Variants in MGAT4B observed in about 807,000 individuals in gnomAD.
MGAT4B encodes N-acetylglucosaminyltransferase IVb.
In MGAT4B, 38 loss-of-function variants were observed where a neutral mutation model predicts 73.9. The ratio of observed to expected loss-of-function variants is 0.51; its 90% CI spans 0.40 to 0.67. MGAT4B has a LOEUF of 0.67. Ranked by LOEUF, MGAT4B falls within the 30% of genes least tolerant of loss-of-function variation. The pLI, the probability that MGAT4B is intolerant of heterozygous loss-of-function variation, is 0.00. For synonymous variants in MGAT4B, 373 were observed against 313.5 expected, an observed-to-expected ratio of 1.19 and a Z score of -2.01; for missense variants, 686 against 735.2, an observed-to-expected ratio of 0.93 and a Z score of 0.77.
At chr5:179,802,934 A>G (rs574788107) in intron 1 of MGAT4B, 1 of 985,322 alleles carries the variant, frequency 1.0e-6, no homozygotes, top group East Asian at 1.1e-4. Flanking sequence ...AGCCTGACCG[A>G]ACTCCCTCTA....
In MGAT4B at chr5:179,799,701, C is replaced by A. The variant is rs1756822236; in HGVS notation, c.911-65G>T. The stretch of plus-strand genomic sequence containing the variant: ...TACTTCCTTTCTCCCTGCAGCGGCC[C>A]CCGAGTCCCACAGCAAACCCAGGGG... On this transcript the variant is annotated intron_variant, in intron 8 of 14. Coordinates refer to ENST00000292591, the MANE Select transcript of MGAT4B (RefSeq NM_014275.5). The A allele has an allele frequency of 6.9e-6, 11 of 1,605,144 alleles. 1 individual carries two copies. In the South Asian group the frequency reaches 1.0e-4, roughly 15 times the overall value.
chr5:179,798,819 A>C, intron 11 of MGAT4B, 109 bp downstream of exon 11: 7 of 1,340,508 alleles, frequency 5.2e-6, no homozygotes, highest in Non-Finnish European at 7.2e-6. Context: ...TACGAGGCCC[A>C]CTTCAGATGC....
Position 179,802,445 on chromosome 5 carries a change from C to T in MGAT4B, c.98-476G>A, listed in dbSNP as rs560025706. On this transcript the variant is annotated intron_variant, in intron 1 of 14. Coordinates refer to ENST00000292591, the MANE Select transcript of MGAT4B (RefSeq NM_014275.5). ...CTGGTTGCTCACCCTGCACTGGATT[C>T]TTAGCCTCACGATGGCCCCGGGGGG... is the stretch of plus-strand genomic sequence containing the variant. 167 of 1,074,918 alleles carry T rather than the reference C, an allele frequency of 1.6e-4. 2 individuals carry two copies. The South Asian group carries it at 4.1e-3, about 26-fold the overall frequency. 66.6% of individuals were successfully genotyped at this position (1,074,918 alleles called of 1,614,324 possible). A position where few individuals can be genotyped will look rare whatever the true frequency, so the allele number is the denominator to read the frequency against.
In MGAT4B at chr5:179,806,300, C is replaced by G. The variant is rs1394067036; in HGVS notation, c.97+187G>C. 1.6e-5 allele frequency: 3 copies of G among 189,086 alleles called. No individual in the cohort carries two copies. Among genetic ancestry groups the G allele is most frequent in the Non-Finnish European group, 2.9e-5 (3 of 101,822 alleles). The allele number at this position is 189,086 out of a possible 1,614,324, so 11.7% of individuals were successfully genotyped here. A position where few individuals can be genotyped will look rare whatever the true frequency, so the allele number is the denominator to read the frequency against. ...AGCACCCACGGGCGCGGCCCGGGCC[C>G]GAGGAGAACGCCGCGGCTCCAGCAG... On this transcript the variant is annotated intron_variant, in intron 1 of 14. Coordinates refer to ENST00000292591, the MANE Select transcript of MGAT4B (RefSeq NM_014275.5). This position sits in a 1 kb window ranked among gnomAD's most constrained non-coding sequence, Gnocchi z 4.6.
At chr5:179,799,462 G>C (rs770679576) in intron 9 of MGAT4B, 44 bp downstream of exon 9, 1 of 1,611,954 alleles carries the variant, frequency 6.2e-7, no homozygotes, top group Non-Finnish European at 8.5e-7. Context: ...GAGGCTGCCT[G>C]CCCCTTGGCC....
In MGAT4B at chr5:179,798,184, A is replaced by G; in HGVS notation, c.1604T>C (p.Val535Ala). The G allele has an allele frequency of 6.3e-7, 1 of 1,596,796 alleles. No individual in the cohort carries two copies. Among genetic ancestry groups the G allele is most frequent in the Non-Finnish European group, 8.5e-7 (1 of 1,170,970 alleles). Residue 535 changes from valine (V) to alanine (A), a missense_variant, in exon 14 of 15, where the codon GTG becomes GCG. Coordinates refer to ENST00000292591, the MANE Select transcript of MGAT4B (RefSeq NM_014275.5). ...LRLSIQTDSP[V>A]WVILSEIFLK... Reference sequence around the variant, plus strand: ...CCTCACCTCGCTCAGAATCACCCACACAGGGGAGTCCGTCTGGATCGAGAG... The same window carrying G: ...CCTCACCTCGCTCAGAATCACCCACGCAGGGGAGTCCGTCTGGATCGAGAG...
At chr5:179,802,164 C>G (rs1228215593) in intron 1 of MGAT4B, 195 bp from the exon 2 acceptor site, 2 of 1,504,972 alleles carry the variant, frequency 1.3e-6, no homozygotes, top group African/African-American at 1.4e-5. Context: ...GGGAGAAAAC[C>G]AGGGGAATTA....
chr5:179,802,944 A>G (rs938736436), intron 1 of MGAT4B: 7 of 985,268 alleles, frequency 7.1e-6, no homozygotes, highest in African/African-American at 7.0e-5. Context: ...AACTCCCTCT[A>G]CACTCAGGCA....
chr5:179,801,577 CGCACCGCGGGCT>C lies in MGAT4B; in HGVS notation c.389_400del (p.Gln130_Val133del). 1 of 1,607,222 alleles carries C rather than the reference CGCACCGCGGGCT, an allele frequency of 6.2e-7. No homozygotes were observed. The highest frequency in any genetic ancestry group is 8.5e-7 in the Non-Finnish European group (1 of 1,177,834). The stretch of plus-strand genomic sequence containing the variant: ...ACCTCCGGTGCGGCCCTGGCCCACG[CGCACCGCGGGCT>C]GCAGACTGCTCTCCTTGGCCAGCAG... On this transcript the variant is annotated inframe_deletion, in exon 3 of 15. Transcript: ENST00000292591. The surrounding 1 kb of genome is among the most constrained non-coding windows in gnomAD (Gnocchi z 4.8).
At chr5:179,800,819 C>CTA in intron 5 of MGAT4B, 88 bp downstream of exon 5, 2 of 1,452,184 alleles carry the variant, frequency 1.4e-6, no homozygotes, top group Non-Finnish European at 1.9e-6. Flanking sequence ...AGGAAAGGCA[C>CTA]TATCTCATGG....
chr5:179,801,424 G>C lies in MGAT4B; in HGVS notation c.468C>G (p.His156Gln). 1 of 1,611,958 alleles carries C rather than the reference G, an allele frequency of 6.2e-7. No individual in the cohort carries two copies. ...MGIPSVRREV[H>Q]SYLTDTLHSL... ...AGTGCAGAGTGTCAGTCAGGTACGA[G>C]TGCACCTCGCGCCGCACGCTCGGGA... The change falls in exon 4 of 15, where the codon CAC (histidine) becomes CAG (glutamine). Residue 156 changes from histidine to glutamine, a missense_variant. This residue lies in a region of MGAT4B where 449 missense variants were observed against 536.8 expected (regional missense o/e 0.84). Coordinates refer to ENST00000292591, the MANE Select transcript of MGAT4B (RefSeq NM_014275.5). The surrounding 1 kb of genome is among the most constrained non-coding windows in gnomAD (Gnocchi z 4.8).
chr5:179,801,570 G>C lies in MGAT4B; in HGVS notation c.408C>G (p.Gly136=), dbSNP rs771619076. The change falls in exon 3 of 15, where the codon GGC becomes GGG. Residue 136 remains glycine, a synonymous_variant. Transcript: ENST00000292591. The surrounding 1 kb of genome is among the most constrained non-coding windows in gnomAD (Gnocchi z 4.8). ...ESSLQPAVRV[G]QGRTGVSVVM... ...CGCCCATACCTCCGGTGCGGCCCTG[G>C]CCCACGCGCACCGCGGGCTGCAGAC... 4.4e-6 allele frequency: 7 copies of C among 1,607,956 alleles called. No individual in the cohort carries two copies. The highest frequency in any genetic ancestry group is 4.2e-6 in the Non-Finnish European group (5 of 1,178,150).
intron 1 of MGAT4B, among the ~76,000 whole-genome samples, chr5:179,804,370 G>C (rs1011459111): frequency 6.6e-5 from 10 of 152,194 alleles, no homozygotes; most frequent in African/African-American, 1.9e-4. Context: ...CTGAAGTCCA[G>C]GCCTGGGGAG....
rs1247167104 is a variant in MGAT4B at position 179,798,493 on chromosome 5, A to G, written c.1422+20T>C. ...CACAGGAGGCCCGGCTTCAGTGCAC[A>G]CCACACCCACCGAACTTACGTCGAA... On this transcript the variant is annotated intron_variant, in intron 12 of 14. Transcript: ENST00000292591. 6.2e-7 allele frequency: 1 copy of G among 1,613,420 alleles called. No homozygotes were observed. Among genetic ancestry groups the G allele is most frequent in the African/African-American group, 1.3e-5 (1 of 75,048 alleles).
In MGAT4B at chr5:179,798,244, A is replaced by T; in HGVS notation, c.1544T>A (p.Val515Glu). The change falls in exon 14 of 15, where the codon GTG becomes GAG. Residue 515 changes from valine to glutamate, a missense_variant. Transcript: ENST00000292591. ...SFYKGVAEGEVDPAFGPLEAL... is the reference protein window; with the variant it reads ...SFYKGVAEGEEDPAFGPLEAL... ...TTCCAGAGGGCCGAAGGCTGGGTCC[A>T]CCTCTCCCTCTGCCACTCCCTTGTA... 6.2e-7 allele frequency: 1 copy of T among 1,609,896 alleles called. No individual in the cohort carries two copies. The highest frequency in any genetic ancestry group is 8.5e-7 in the Non-Finnish European group (1 of 1,178,028).
intron 11 of MGAT4B, 116 bp downstream of exon 11, chr5:179,798,812 G>A (rs758223404): frequency 5.5e-6 from 7 of 1,282,532 alleles, no homozygotes; most frequent in Admixed American, 2.1e-5. Context: ...CTACCATTAC[G>A]AGGCCCACTT....
Position 179,806,216 on chromosome 5 carries a change from G to A in MGAT4B, c.97+271C>T, listed in dbSNP as rs1448951349. 6.1e-6 allele frequency: 1 copy of A among 164,596 alleles called. No individual in the cohort carries two copies. Among genetic ancestry groups the A allele is most frequent in the Non-Finnish European group, 1.3e-5 (1 of 76,478 alleles). 10.2% of individuals were successfully genotyped at this position (164,596 alleles called of 1,614,324 possible). A position where few individuals can be genotyped will look rare whatever the true frequency, so the allele number is the denominator to read the frequency against. ...ACCTTGGGTCTCTGCCCCTCTCCGA[G>A]AACCCCACGGGTCCCCAGCTCAGCG... On this transcript the variant is annotated intron_variant, in intron 1 of 14. Transcript: ENST00000292591. The surrounding 1 kb of genome is among the most constrained non-coding windows in gnomAD (Gnocchi z 4.6).
At chr5:179,802,863 G>A (rs1757006832) in intron 1 of MGAT4B, 3 of 985,144 alleles carry the variant, frequency 3.0e-6, no homozygotes, top group South Asian at 4.7e-5. Context: ...TCTGCCAGGC[G>A]AGTCTCTGAA....
Position 179,799,060 on chromosome 5 carries a change from C to G in MGAT4B, c.1211G>C (p.Ser404Thr), listed in dbSNP as rs376673003. Residue 404 changes from serine (S) to threonine (T), a missense_variant, in exon 11 of 15, where the codon AGC becomes ACC. Coordinates refer to ENST00000292591, the MANE Select transcript of MGAT4B (RefSeq NM_014275.5). ...KEHVNPPAEV[S>T]TSLKTYQHFT... is the part of the protein sequence containing the mutation. The stretch of plus-strand genomic sequence containing the variant: ...GTGCTGGTATGTCTTCAGGCTCGTG[C>G]TCACCTCTGCTGGCGGGTTCACATG... 5.0e-6 allele frequency: 8 copies of G among 1,613,886 alleles called. No homozygotes were observed. Among genetic ancestry groups the G allele is most frequent in the Non-Finnish European group, 6.8e-6 (8 of 1,180,040 alleles).
Sources: allele counts gnomAD v4.1 joint callset (sites outside exome capture counted in the v4.1 genomes callset), GRCh38; gene constraint gnomAD v4.1.1; regional missense constraint gnomAD v4.1.1; non-coding constraint Gnocchi (gnomAD v3.1); transcripts MANE v1.5; gene names NCBI Gene and HGNC (gene_info 2026-07-23, HGNC 2026-07-21).